Variants in RPP30 observed in about 807,000 individuals in gnomAD.
RPP30 encodes ribonuclease P/MRP subunit p30, also known as ribonuclease P protein subunit p30.
In RPP30, 36 loss-of-function variants were observed where a neutral mutation model predicts 38.6. The ratio of observed to expected loss-of-function variants is 0.93; its 90% CI spans 0.71 to 1.23. The LOEUF (loss-of-function observed/expected upper bound fraction) is 1.23, where lower values mean the gene tolerates loss of function less well. Ranked by LOEUF, RPP30 falls within the 50% of genes most tolerant of loss-of-function variation. The probability of loss-of-function intolerance (pLI) is 0.00; values close to 1 mark genes in which losing one functional copy is unlikely to be tolerated. For synonymous variants in RPP30, 126 were observed against 112.7 expected, an observed-to-expected ratio of 1.12 and a Z score of -0.75; for missense variants, 321 against 321.7, an observed-to-expected ratio of 1.00 and a Z score of 0.02.
chr10:90,896,453 C>T lies in RPP30; in HGVS notation c.697+61C>T. Reference sequence around the variant, plus strand: ...TGTTAAAAGCAAGTCATTTTTACAGCCATACCTATTTTTATTGCCCTACCC... The same window carrying T: ...TGTTAAAAGCAAGTCATTTTTACAGTCATACCTATTTTTATTGCCCTACCC... On this transcript the variant is annotated intron_variant, in intron 10 of 10. Coordinates refer to ENST00000371703, the MANE Select transcript of RPP30 (RefSeq NM_006413.5). 3 of 1,347,982 alleles carry T rather than the reference C, an allele frequency of 2.2e-6. No individual in the cohort carries two copies. The Admixed American group carries it at 5.1e-5, about 23-fold the overall frequency. 83.5% of individuals were successfully genotyped at this position (1,347,982 alleles called of 1,614,324 possible).
chr10:90,879,911 C>A (rs1373294234), intron 5 of RPP30: 1 of 152,118 alleles, frequency 6.6e-6, no homozygotes, highest in African/African-American at 2.4e-5. Flanking sequence ...AAGTGTCCAT[C>A]CGCCAAAAGT....
At chr10:90,886,427 T>C (rs1218996304) in intron 6 of RPP30, among the ~76,000 whole-genome samples, 1 of 152,212 alleles carries the variant, frequency 6.6e-6, no homozygotes, top group Admixed American at 6.5e-5. Context: ...CAGAAAACTT[T>C]TTTGTTTCTC....
At chr10:90,891,328 C>T (rs1382625319) in intron 6 of RPP30, among the ~76,000 whole-genome samples, 1 of 152,188 alleles carries the variant, frequency 6.6e-6, no homozygotes, top group African/African-American at 2.4e-5. Flanking sequence ...CCCTGTTTGT[C>T]TCTATGTCTT....
At chr10:90,880,380 C>G (rs1341839606) in intron 5 of RPP30, among the ~76,000 whole-genome samples, 1 of 152,102 alleles carries the variant, frequency 6.6e-6, no homozygotes, top group Non-Finnish European at 1.5e-5. Context: ...AGAAACAGCA[C>G]AAATTATTTA....
Position 90,900,875 on chromosome 10 carries a change from G to A in RPP30, c.*196G>A, listed in dbSNP as rs112133151. Reference sequence around the variant, plus strand: ...GAAGCATCTTTTTAAAAGGCTGCCAGCTTAATGAATTTAGATGTACTTTAA... The same window carrying A: ...GAAGCATCTTTTTAAAAGGCTGCCAACTTAATGAATTTAGATGTACTTTAA... On this transcript the variant is annotated 3_prime_UTR_variant, in exon 11 of 11. Coordinates refer to ENST00000371703, the MANE Select transcript of RPP30 (RefSeq NM_006413.5). The A allele has an allele frequency of 2.6e-4, 336 of 1,291,026 alleles. 1 individual carries two copies. The African/African-American group carries it at 4.5e-3, about 17-fold the overall frequency. The allele number at this position is 1,291,026 out of a possible 1,614,324, so 80.0% of individuals were successfully genotyped here.
chr10:90,875,033 T>A (rs931105664), intron 2 of RPP30, 109 bp downstream of exon 2: 6 of 582,096 alleles, frequency 1.0e-5, no homozygotes, highest in African/African-American at 1.9e-5. Flanking sequence ...ATGCACCCCT[T>A]TGTGCACTAC....
At position 90,885,918 on chromosome 10, in the gene RPP30, T is replaced by G. The variant is rs1397118134; in HGVS notation, c.432+17T>G. On this transcript the variant is annotated intron_variant, in intron 6 of 10. Transcript: ENST00000371703. ...ATTAATGTGGTAAGTGTACTTTCCATTCTGTATTTGAATCTTAGAAACTTA... is the reference window on the plus strand; with the variant it reads ...ATTAATGTGGTAAGTGTACTTTCCAGTCTGTATTTGAATCTTAGAAACTTA... 9 of 1,461,756 alleles carry G rather than the reference T, an allele frequency of 6.2e-6. No homozygotes were observed. Among genetic ancestry groups the G allele is most frequent in the Non-Finnish European group, 7.6e-6 (8 of 1,054,336 alleles). The allele number at this position is 1,461,756 out of a possible 1,614,324, so 90.5% of individuals were successfully genotyped here.
At chr10:90,905,168 G>A (rs1039634015), downstream of RPP30, 1 of 152,056 alleles carries the variant, frequency 6.6e-6, no homozygotes, top group Non-Finnish European at 1.5e-5. Flanking sequence ...TAGCTTTTAA[G>A]AATTTTTTTT....
At position 90,901,638 on chromosome 10, in the gene RPP30, G is replaced by A; in HGVS notation, c.*959G>A. The A allele has an allele frequency of 1.0e-6, 1 of 984,966 alleles. No individual in the cohort carries two copies. The highest frequency in any genetic ancestry group is 1.7e-5 in the African/African-American group (1 of 57,306). The allele number at this position is 984,966 out of a possible 1,614,324, so 61.0% of individuals were successfully genotyped here. A position where few individuals can be genotyped will look rare whatever the true frequency, so the allele number is the denominator to read the frequency against. ...AAAGCATCGGACTGAACCAACTTTGGAAATAATTTATTTTTATAATGGGAT... is the reference window on the plus strand; with the variant it reads ...AAAGCATCGGACTGAACCAACTTTGAAAATAATTTATTTTTATAATGGGAT... On this transcript the variant is annotated 3_prime_UTR_variant, in exon 11 of 11. Transcript: ENST00000371703.
At chr10:90,888,944 G>T (rs1847038424) in intron 6 of RPP30, among the ~76,000 whole-genome samples, 1 of 152,154 alleles carries the variant, frequency 6.6e-6, no homozygotes, top group Non-Finnish European at 1.5e-5. Flanking sequence ...GGCTGCACAA[G>T]ATTATTTTTA....
intron 6 of RPP30, among the ~76,000 whole-genome samples, chr10:90,891,936 T>A (rs1187984050): frequency 6.6e-6 from 1 of 152,222 alleles, no homozygotes; most frequent in East Asian, 1.9e-4. Flanking sequence ...TTCATTCATT[T>A]GAATTGAATA....
At position 90,895,979 on chromosome 10, in the gene RPP30, C is replaced by T. The variant is rs878982517; in HGVS notation, c.617+62C>T. 106 of 1,267,834 alleles carry T rather than the reference C, an allele frequency of 8.4e-5. 2 individuals carry two copies. In the South Asian group the frequency reaches 1.1e-3, roughly 13 times the overall value. 78.5% of individuals were successfully genotyped at this position (1,267,834 alleles called of 1,614,324 possible). A position where few individuals can be genotyped will look rare whatever the true frequency, so the allele number is the denominator to read the frequency against. On this transcript the variant is annotated intron_variant, in intron 9 of 10. Transcript: ENST00000371703. ...TTTCAGGAAATTTTGAATTTGAAGT[C>T]GTATTATAGTTGAACATGTATTTTT...
chr10:90,885,075 T>G (rs903275092), intron 5 of RPP30, among the ~76,000 whole-genome samples: 1 of 152,234 alleles, frequency 6.6e-6, no homozygotes, highest in African/African-American at 2.4e-5. Context: ...CCATTTATCC[T>G]GATTTTCTTA....
intron 6 of RPP30, among the ~76,000 whole-genome samples, chr10:90,892,822 C>G (rs940014812): frequency 1.3e-5 from 2 of 152,132 alleles, no homozygotes; most frequent in African/African-American, 4.8e-5. Context: ...CACCGAGGTT[C>G]CTTTGATGAT....
chr10:90,906,495 G>T (rs1300422279), downstream of RPP30, among the ~76,000 whole-genome samples: 14 of 152,216 alleles, frequency 9.2e-5, no homozygotes, highest in Admixed American at 9.2e-4. Flanking sequence ...ATTTTTAGGA[G>T]TTTTTATTTC....
At chr10:90,883,559 G>A (rs1354924638) in intron 5 of RPP30, among the ~76,000 whole-genome samples, 1 of 152,214 alleles carries the variant, frequency 6.6e-6, no homozygotes, top group East Asian at 1.9e-4. Context: ...TGAAGTGTCA[G>A]AGGGAGCCAT....
intron 10 of RPP30, among the ~76,000 whole-genome samples, chr10:90,897,279 G>C (rs1847150968): frequency 1.3e-5 from 2 of 152,184 alleles, no homozygotes; most frequent in Non-Finnish European, 2.9e-5. Flanking sequence ...TATCACCCAA[G>C]TGAATTTTAA....
intron 1 of RPP30, among the ~76,000 whole-genome samples, chr10:90,872,901 T>C (rs1044904503): frequency 6.6e-6 from 1 of 152,218 alleles, no homozygotes; most frequent in Admixed American, 6.5e-5. Context: ...CCCTTTCCAC[T>C]GCTGCCACTA....
chr10:90,896,409 A>G lies in RPP30; in HGVS notation c.697+17A>G, dbSNP rs761030278. On this transcript the variant is annotated intron_variant, in intron 10 of 10. Transcript: ENST00000371703. Reference sequence around the variant, plus strand: ...TCCATGGAGGTAAGCAAGTTCTTCCAGTACAAACTGAATGGTCATGTTAAA... The same window carrying G: ...TCCATGGAGGTAAGCAAGTTCTTCCGGTACAAACTGAATGGTCATGTTAAA... 1.2e-6 allele frequency: 2 copies of G among 1,601,888 alleles called. No homozygotes were observed. Among genetic ancestry groups the G allele is most frequent in the South Asian group, 2.2e-5 (2 of 90,806 alleles).
Sources: gnomAD v4.1 joint callset for allele counts (sites outside exome capture counted in the v4.1 genomes callset) on GRCh38, gnomAD v4.1.1 for gene constraint, MANE v1.5 for transcripts, NCBI Gene and HGNC (gene_info 2026-07-23, HGNC 2026-07-21) for gene names.